ULK4: variants seen among roughly 807,000 people sequenced by gnomAD.
The protein encoded by ULK4 is unc-51 like kinase 4, also known as inactive serine/threonine-protein kinase ULK4.
In ULK4, 133 loss-of-function variants were observed where a neutral mutation model predicts 160.6. The observed-to-expected ratio is 0.83, with a 90% CI of 0.72 to 0.96. ULK4 has a LOEUF of 0.96. ULK4 is among the 40% of genes least tolerant of loss of function. The pLI is 0.00. For missense variants in ULK4, 1,580 were observed against 1,499.5 expected, an observed-to-expected ratio of 1.05 and a Z score of -0.89; for synonymous variants, 534 against 539.8, an observed-to-expected ratio of 0.99 and a Z score of 0.15.
chr3:41,759,429 C>T (rs1457175947), intron 21 of ULK4, among the ~76,000 whole-genome samples: 1 of 152,122 alleles, frequency 6.6e-6, no homozygotes, highest in East Asian at 1.9e-4. Context: ...TTCACCCTAA[C>T]AAAACATCTA....
intron 32 of ULK4, among the ~76,000 whole-genome samples, chr3:41,477,505 G>T (rs1371605547): frequency 6.6e-6 from 1 of 152,118 alleles, no homozygotes; most frequent in African/African-American, 2.4e-5. Flanking sequence ...TTACACTAGG[G>T]TTTGTTAAAA....
chr3:41,940,473 A>T (rs1699915690), intron 2 of ULK4, among the ~76,000 whole-genome samples: 1 of 152,050 alleles, frequency 6.6e-6, no homozygotes, highest in South Asian at 2.1e-4. Flanking sequence ...CCTGGACAAT[A>T]TAGTAAGACC....
At chr3:41,525,873 T>TA (rs1042632363) in intron 32 of ULK4, among the ~76,000 whole-genome samples, 3 of 152,366 alleles carry the variant, frequency 2.0e-5, no homozygotes, top group Non-Finnish European at 4.4e-5. Flanking sequence ...TCATTGTCTC[T>TA]ATGCACAGTT....
At chr3:41,405,821 T>G (rs529374142) in intron 34 of ULK4, among the ~76,000 whole-genome samples, 14 of 152,152 alleles carry the variant, frequency 9.2e-5, no homozygotes, top group East Asian at 7.7e-4. Flanking sequence ...TGAGTTTTTT[T>G]TTTGTTTGTT....
intron 35 of ULK4, among the ~76,000 whole-genome samples, chr3:41,297,422 C>G (rs1261490844): frequency 1.3e-5 from 2 of 152,236 alleles, no homozygotes; most frequent in Non-Finnish European, 2.9e-5. Flanking sequence ...CAACATACTG[C>G]ACTGGCAAAA....
At chr3:41,637,469 T>C (rs192891321) in intron 30 of ULK4, among the ~76,000 whole-genome samples, 57 of 152,338 alleles carry the variant, frequency 3.7e-4, no homozygotes, top group African/African-American at 1.3e-3. Flanking sequence ...TGATTCCATA[T>C]TTTGGCTATT....
chr3:41,564,400 C>A (rs1368304656), intron 32 of ULK4, among the ~76,000 whole-genome samples: 2 of 151,142 alleles, frequency 1.3e-5, no homozygotes, highest in East Asian at 3.9e-4. Flanking sequence ...GCTGGGAGAA[C>A]CACTGCTCTC....
chr3:41,949,748 T>C (rs538457351), intron 2 of ULK4, among the ~76,000 whole-genome samples: 191 of 147,318 alleles, frequency 1.3e-3, no homozygotes, highest in Non-Finnish European at 2.0e-3. Context: ...TTTTTTTCTT[T>C]CTTTTTTTTT....
At chr3:41,928,377 A>C (rs1479486637) in intron 5 of ULK4, among the ~76,000 whole-genome samples, 2 of 152,176 alleles carry the variant, frequency 1.3e-5, no homozygotes, top group African/African-American at 4.8e-5. Flanking sequence ...TTACAGCACT[A>C]AATGCCCACA....
intron 32 of ULK4, among the ~76,000 whole-genome samples, chr3:41,527,024 T>C (rs1041667300): frequency 1.3e-5 from 2 of 152,370 alleles, no homozygotes; most frequent in Non-Finnish European, 2.9e-5. Context: ...TATTATTTGT[T>C]AGAGTCCATT....
intron 35 of ULK4, among the ~76,000 whole-genome samples, chr3:41,318,017 C>T (rs2080178133): frequency 6.6e-6 from 1 of 152,146 alleles, no homozygotes; most frequent in South Asian, 2.1e-4. Context: ...TTAAACTAAT[C>T]GCTATATCTA....
chr3:41,787,785 C>T (rs2040039317), intron 21 of ULK4, among the ~76,000 whole-genome samples: 1 of 152,130 alleles, frequency 6.6e-6, no homozygotes, highest in Admixed American at 6.5e-5. Context: ...AAGTAAAAGA[C>T]TGTTTATCAC....
In ULK4 at chr3:41,675,004, G is replaced by T. The variant is rs554850937; in HGVS notation, c.2978+6504C>A. On this transcript the variant is annotated intron_variant, in intron 29 of 36. Coordinates refer to ENST00000301831, the MANE Select transcript of ULK4 (RefSeq NM_017886.4). Reference sequence around the variant, plus strand: ...CGCCTGTAATCTCAGCACTTTGGGAGGCCAAGGCAGGCTGATCATGAGGTC... The same window carrying T: ...CGCCTGTAATCTCAGCACTTTGGGATGCCAAGGCAGGCTGATCATGAGGTC... 2.6e-5 allele frequency among the ~76,000 whole-genome samples: 4 copies of T among 152,286 alleles called. No individual in the cohort carries two copies. In the East Asian group the frequency reaches 7.7e-4, roughly 29 times the overall value.
intron 34 of ULK4, among the ~76,000 whole-genome samples, chr3:41,413,094 A>G (rs1162515775): frequency 1.3e-5 from 2 of 152,228 alleles, no homozygotes; most frequent in South Asian, 2.1e-4. Flanking sequence ...GGAAGGTGAA[A>G]GGTACATCTC....
intron 35 of ULK4, among the ~76,000 whole-genome samples, chr3:41,294,166 A>T (rs140423904): frequency 6.6e-6 from 1 of 152,338 alleles, no homozygotes; most frequent in South Asian, 2.1e-4. Context: ...TGTTTAGGTC[A>T]TGAGGGCTTT....
At chr3:41,785,564 T>G (rs115666315) in intron 21 of ULK4, among the ~76,000 whole-genome samples, 1 of 152,152 alleles carries the variant, frequency 6.6e-6, no homozygotes, top group Non-Finnish European at 1.5e-5. Context: ...GACCATAATA[T>G]ATGAGCGTCA....
chr3:41,885,181 A>C (rs1161317201), intron 16 of ULK4, among the ~76,000 whole-genome samples: 1 of 152,142 alleles, frequency 6.6e-6, no homozygotes, highest in Non-Finnish European at 1.5e-5. Flanking sequence ...AGCTCAAAAA[A>C]CTTATGAAAC....
intron 32 of ULK4, among the ~76,000 whole-genome samples, chr3:41,555,464 C>T (rs1020428961): frequency 2.0e-5 from 3 of 152,104 alleles, no homozygotes; most frequent in Non-Finnish European, 2.9e-5. Context: ...AATCAAACCA[C>T]AATGAAATAC....
chr3:41,473,727 A>G (rs144880773), intron 32 of ULK4, among the ~76,000 whole-genome samples: 2,517 of 151,756 alleles, frequency 0.017, 33 homozygotes, highest in Non-Finnish European at 0.024. Context: ...ACTTTCTGAA[A>G]AAAAAGTCAT....
Sources: allele counts gnomAD v4.1 joint callset (sites outside exome capture counted in the v4.1 genomes callset), GRCh38; gene constraint gnomAD v4.1.1; transcripts MANE v1.5; gene names NCBI Gene and HGNC (gene_info 2026-07-23, HGNC 2026-07-21).